The following ZFHX3 variants were observed in gnomAD, a reference collection of about 807,000 sequenced individuals.
The protein encoded by ZFHX3 is zinc finger homeobox protein 3.
ZFHX3 carries 42 observed loss-of-function variants against 279.1 expected under a neutral mutation model. The observed-to-expected ratio is 0.15, with a 90% CI of 0.12 to 0.19. The LOEUF (loss-of-function observed/expected upper bound fraction) is 0.19, where lower values mean the gene tolerates loss of function less well. Ranked by LOEUF, ZFHX3 falls within the 10% of genes least tolerant of loss-of-function variation. ZFHX3 has a pLI of 1.00. For synonymous variants in ZFHX3, 2,293 were observed against 1,957.8 expected (o/e 1.17, Z -4.52); for missense variants, 4,981 against 4,754.0 (o/e 1.05, Z -1.40).
intron 1 of ZFHX3, among the ~76,000 whole-genome samples, chr16:73,733,532 G>T (rs1018328209): frequency 2.6e-4 from 39 of 151,892 alleles, no homozygotes; most frequent in Non-Finnish European, 5.9e-5. Flanking sequence ...ATTAATTTTT[G>T]AAAAAAGACT....
intron 3 of ZFHX3, among the ~76,000 whole-genome samples, chr16:72,945,139 T>C (rs991746987): frequency 6.6e-6 from 1 of 152,040 alleles, no homozygotes; most frequent in African/African-American, 2.4e-5. Flanking sequence ...ATACAACCTA[T>C]TGGACGAATG....
intron 7 of ZFHX3, among the ~76,000 whole-genome samples, chr16:72,804,975 T>C (rs181092798): frequency 1.3e-5 from 2 of 152,064 alleles, no homozygotes; most frequent in East Asian, 3.9e-4. Flanking sequence ...ATTTTATTTA[T>C]TTATTTATTT....
chr16:73,605,805 C>T (rs185957761), intron 2 of ZFHX3, among the ~76,000 whole-genome samples: 3 of 152,054 alleles, frequency 2.0e-5, no homozygotes, highest in Admixed American at 2.0e-4. Context: ...AAAGTGAAAG[C>T]TATCATATGG....
At chr16:73,751,950 G>A (rs575777972) in intron 1 of ZFHX3, among the ~76,000 whole-genome samples, 6 of 152,254 alleles carry the variant, frequency 3.9e-5, no homozygotes, top group African/African-American at 1.4e-4. Context: ...CAGGTCAATC[G>A]GGTTATTCTC....
At chr16:73,024,373 C>A (rs1005003378) in intron 1 of ZFHX3, among the ~76,000 whole-genome samples, 2 of 152,100 alleles carry the variant, frequency 1.3e-5, no homozygotes, top group Non-Finnish European at 2.9e-5. Flanking sequence ...CATCATGCCC[C>A]GCAGGCAAAG....
chr16:73,567,037 G>T (rs757862308), intron 2 of ZFHX3, among the ~76,000 whole-genome samples: 2 of 151,804 alleles, frequency 1.3e-5, no homozygotes, highest in Non-Finnish European at 2.9e-5. Flanking sequence ...GTAGAGATAG[G>T]GGGGTATCCC....
At chr16:73,269,161 G>A (rs1349416536) in intron 4 of ZFHX3, among the ~76,000 whole-genome samples, 1 of 152,144 alleles carries the variant, frequency 6.6e-6, no homozygotes, top group Non-Finnish European at 1.5e-5. Context: ...TCCTTTTAAA[G>A]TTAGGTTTGA....
intron 1 of ZFHX3, among the ~76,000 whole-genome samples, chr16:72,980,699 A>G (rs1172553975): frequency 1.3e-5 from 2 of 152,052 alleles, no homozygotes; most frequent in African/African-American, 4.8e-5. Flanking sequence ...GGCTGCAATG[A>G]GCTGTGATCG....
At chr16:73,792,210 A>C (rs991745942) in intron 1 of ZFHX3, among the ~76,000 whole-genome samples, 3 of 152,220 alleles carry the variant, frequency 2.0e-5, no homozygotes, top group African/African-American at 7.2e-5. Flanking sequence ...CAGTATAAAG[A>C]TCTATTTTAT....
At chr16:73,782,916 C>A (rs1403708402) in intron 1 of ZFHX3, among the ~76,000 whole-genome samples, 1 of 152,212 alleles carries the variant, frequency 6.6e-6, no homozygotes, top group East Asian at 1.9e-4. Flanking sequence ...TTTGTTACCA[C>A]AGCACAACCT....
intron 2 of ZFHX3, among the ~76,000 whole-genome samples, chr16:73,629,234 T>G (rs1161523237): frequency 2.0e-5 from 3 of 152,184 alleles, no homozygotes; most frequent in Non-Finnish European, 4.4e-5. Flanking sequence ...GCACACTCGC[T>G]TCCAACCCTG....
At chr16:73,866,500 C>T (rs1322282476) in intron 1 of ZFHX3, among the ~76,000 whole-genome samples, 1 of 152,096 alleles carries the variant, frequency 6.6e-6, no homozygotes, top group Non-Finnish European at 1.5e-5. Flanking sequence ...ATGCCCGTCA[C>T]TCCCACTTCT....
At position 73,784,794 on chromosome 16, in the gene ZFHX3, A is replaced by ATATAT. The variant is rs1555501444; in HGVS notation, c.-1607-104555_-1607-104554insATATA. ...AACTATTTTTAACAAAATAAAAAAA[A>ATATAT]AAATATATATATATATATATATACA... On this transcript the variant is annotated intron_variant, in intron 1 of 17. Coordinates refer to the ZFHX3 transcript ENST00000641206. Among the ~76,000 whole-genome samples, 3 of 114,226 alleles carry ATATAT rather than the reference A, an allele frequency of 2.6e-5. No individual in the cohort carries two copies. In the East Asian group the frequency reaches 6.6e-4, roughly 25 times the overall value. 74.9% of individuals were successfully genotyped at this position (114,226 alleles called of 152,430 possible).
intron 1 of ZFHX3, among the ~76,000 whole-genome samples, chr16:73,004,447 G>A (rs1292040999): frequency 6.8e-6 from 1 of 146,676 alleles, no homozygotes; most frequent in African/African-American, 2.5e-5. Context: ...TCCTGCCTCA[G>A]CCTCCCAAGT....
intron 3 of ZFHX3, among the ~76,000 whole-genome samples, chr16:72,938,278 C>T (rs566235333): frequency 2.6e-5 from 4 of 152,392 alleles, no homozygotes; most frequent in Admixed American, 6.5e-5. Context: ...AACAGGGCCC[C>T]GTGCCCATCT....
chr16:73,212,259 T>C (rs377556224), intron 5 of ZFHX3, among the ~76,000 whole-genome samples: 6 of 152,230 alleles, frequency 3.9e-5, no homozygotes, highest in Admixed American at 3.3e-4. Flanking sequence ...TCTGTGCATA[T>C]ATATCTATAC....
chr16:73,886,607 G>T lies in ZFHX3; in HGVS notation c.-1608+5044C>A, dbSNP rs144198125. Among the ~76,000 whole-genome samples the T allele has an allele frequency of 2.0e-5, 3 of 152,312 alleles. No individual in the cohort carries two copies. In the East Asian group the frequency reaches 5.8e-4, roughly 29 times the overall value. On this transcript the variant is annotated intron_variant, in intron 1 of 17. Transcript: ENST00000641206. ...GTCAGTAATTCGCAGCTCCTCTGTAGTATCACAACACAAATGTGCGTGTGA... is the reference window on the plus strand; with the variant it reads ...GTCAGTAATTCGCAGCTCCTCTGTATTATCACAACACAAATGTGCGTGTGA...
At chr16:73,822,709 T>C (rs1291488032) in intron 1 of ZFHX3, among the ~76,000 whole-genome samples, 1 of 152,212 alleles carries the variant, frequency 6.6e-6, no homozygotes, top group South Asian at 2.1e-4. Flanking sequence ...AATGTTTGGA[T>C]GAAAGTGACA....
At chr16:73,852,055 A>C (rs776323329) in intron 1 of ZFHX3, among the ~76,000 whole-genome samples, 7 of 152,206 alleles carry the variant, frequency 4.6e-5, no homozygotes, top group Non-Finnish European at 8.8e-5. Context: ...CAAAGGTAAA[A>C]ATTGTTCATA....
Sources: gnomAD v4.1 joint callset for allele counts (sites outside exome capture counted in the v4.1 genomes callset) on GRCh38, gnomAD v4.1.1 for gene constraint, MANE v1.5 for transcripts, NCBI Gene and HGNC (gene_info 2026-07-23, HGNC 2026-07-21) for gene names.